FTO: variants seen among roughly 807,000 people sequenced by gnomAD.
FTO encodes the protein alpha-ketoglutarate-dependent dioxygenase FTO.
A neutral mutation model predicts 63.9 loss-of-function variants in FTO; 47 were observed. The ratio of observed to expected loss-of-function variants is 0.74; its 90% CI spans 0.58 to 0.94. The LOEUF is 0.94. Ranked by LOEUF, FTO falls within the 40% of genes least tolerant of loss-of-function variation. The probability of loss-of-function intolerance (pLI) is 0.00; values close to 1 mark genes in which losing one functional copy is unlikely to be tolerated. For missense variants in FTO, 562 were observed against 618.1 expected (o/e 0.91, Z 0.96); for synonymous variants, 207 against 224.4 (o/e 0.92, Z 0.69).
intron 8 of FTO, among the ~76,000 whole-genome samples, chr16:53,953,437 T>C (rs1392727060): frequency 1.3e-5 from 2 of 152,156 alleles, no homozygotes; most frequent in African/African-American, 4.8e-5. Context: ...TCCCGTGTAA[T>C]TTCTTCCCTA....
intron 7 of FTO, among the ~76,000 whole-genome samples, chr16:53,899,029 G>C (rs146850373): frequency 5.7e-4 from 86 of 152,118 alleles, no homozygotes; most frequent in African/African-American, 1.9e-3. Flanking sequence ...CTTATTACCT[G>C]CTTCACAGGA....
intron 8 of FTO, among the ~76,000 whole-genome samples, chr16:53,945,126 G>A (rs185134336): frequency 1.3e-5 from 2 of 152,284 alleles, no homozygotes; most frequent in East Asian, 1.9e-4. Flanking sequence ...GATCTCGATC[G>A]CCCCAAAAGT....
At chr16:53,820,542 A>G (rs969570080) in intron 2 of FTO, among the ~76,000 whole-genome samples, 2 of 151,476 alleles carry the variant, frequency 1.3e-5, no homozygotes, top group Non-Finnish European at 2.9e-5. Context: ...GGTTAGTTAC[A>G]TATGTATACA....
intron 1 of FTO, among the ~76,000 whole-genome samples, chr16:53,803,706 A>G (rs1357181556): frequency 6.6e-6 from 1 of 152,194 alleles, no homozygotes; most frequent in Non-Finnish European, 1.5e-5. Flanking sequence ...GCAGCAGTAT[A>G]GTCTCTTGCC....
intron 1 of FTO, among the ~76,000 whole-genome samples, chr16:53,785,262 G>T (rs1009353650): frequency 1.3e-5 from 2 of 152,110 alleles, no homozygotes; most frequent in Admixed American, 6.6e-5. Flanking sequence ...TGCCTTCTTG[G>T]TTCACTGCAT....
chr16:53,726,844 G>C (rs374365039), intron 1 of FTO, among the ~76,000 whole-genome samples: 14 of 152,298 alleles, frequency 9.2e-5, no homozygotes, highest in African/African-American at 3.1e-4. Context: ...GGTTGGAGAT[G>C]TTGGTGAATG....
intron 1 of FTO, among the ~76,000 whole-genome samples, chr16:53,808,804 T>C (rs2078438009): frequency 6.6e-6 from 1 of 152,246 alleles, no homozygotes. Flanking sequence ...TGTACCGTTA[T>C]CTAATTTTTA....
chr16:53,846,297 C>A (rs996681262), intron 4 of FTO, among the ~76,000 whole-genome samples: 5 of 152,156 alleles, frequency 3.3e-5, no homozygotes, highest in African/African-American at 1.2e-4. Context: ...CCTACCCCAT[C>A]ATTGAGTGTC....
chr16:53,906,715 G>A (rs139471529), intron 7 of FTO, among the ~76,000 whole-genome samples: 22 of 152,272 alleles, frequency 1.4e-4, no homozygotes, highest in African/African-American at 2.6e-4. Flanking sequence ...AGAGAATAAC[G>A]TGTAGAGTGG....
At chr16:54,013,825 A>G (rs2084379430) in intron 8 of FTO, among the ~76,000 whole-genome samples, 1 of 152,224 alleles carries the variant, frequency 6.6e-6, no homozygotes, top group South Asian at 2.1e-4. Flanking sequence ...CATAATTTTT[A>G]TATGCACTGG....
At chr16:53,926,774 A>G (rs1201102868) in intron 7 of FTO, among the ~76,000 whole-genome samples, 1 of 152,188 alleles carries the variant, frequency 6.6e-6, no homozygotes, top group Non-Finnish European at 1.5e-5. Flanking sequence ...ACAGAAGATG[A>G]TAGAAGATAA....
At chr16:54,059,993 T>C (rs1417532133) in intron 8 of FTO, among the ~76,000 whole-genome samples, 1 of 152,232 alleles carries the variant, frequency 6.6e-6, no homozygotes, top group Admixed American at 6.5e-5. Context: ...CATTTTGACA[T>C]TCTGTGTGCA....
intron 1 of FTO, 128 bp downstream of exon 1, chr16:53,704,357 C>T: frequency 1.1e-6 from 1 of 898,340 alleles, no homozygotes; most frequent in Non-Finnish European, 1.8e-6. Flanking sequence ...GCCTTGTCAG[C>T]AAGGGACCTG....
At chr16:53,803,608 T>A (rs2078283078) in intron 1 of FTO, among the ~76,000 whole-genome samples, 1 of 152,192 alleles carries the variant, frequency 6.6e-6, no homozygotes, top group Admixed American at 6.5e-5. Context: ...TTAAGAGAGA[T>A]GATTTCTCTT....
chr16:53,736,230 A>G (rs576080974), intron 1 of FTO, among the ~76,000 whole-genome samples: 72 of 152,262 alleles, frequency 4.7e-4, no homozygotes, highest in South Asian at 2.1e-3. Flanking sequence ...GTACCGAGGT[A>G]CGTCATCTGT....
rs1033543140 is a variant in FTO at position 54,112,891 on chromosome 16, G to C, written c.*976G>C. The C allele has an allele frequency of 1.3e-5, 2 of 152,156 alleles. No homozygotes were observed. Among genetic ancestry groups the C allele is most frequent in the Non-Finnish European group, 1.5e-5 (1 of 68,044 alleles). 9.4% of individuals were successfully genotyped at this position (152,156 alleles called of 1,614,324 possible). A position where few individuals can be genotyped will look rare whatever the true frequency, so the allele number is the denominator to read the frequency against. On this transcript the variant is annotated 3_prime_UTR_variant, in exon 9 of 9. Coordinates refer to ENST00000471389, the MANE Select transcript of FTO (RefSeq NM_001080432.3). ...TGGAACTGAGGTTTGAAGAACCTCAGTGGCCCATCCTGATGACATTGGAGA... is the reference window on the plus strand; with the variant it reads ...TGGAACTGAGGTTTGAAGAACCTCACTGGCCCATCCTGATGACATTGGAGA...
At chr16:53,908,319 A>T (rs187872443) in intron 7 of FTO, among the ~76,000 whole-genome samples, 26 of 152,350 alleles carry the variant, frequency 1.7e-4, no homozygotes, top group Non-Finnish European at 2.8e-4. Flanking sequence ...TTAACAAATG[A>T]TGAGCAGGTG....
intron 1 of FTO, among the ~76,000 whole-genome samples, chr16:53,732,060 T>A (rs1164099588): frequency 1.2e-3 from 167 of 140,788 alleles, no homozygotes; most frequent in African/African-American, 1.6e-3. Context: ...TTTTTTTTTT[T>A]TTTTTTGAGA....
At chr16:53,903,687 T>C (rs1279176660) in intron 7 of FTO, among the ~76,000 whole-genome samples, 1 of 152,264 alleles carries the variant, frequency 6.6e-6, no homozygotes, top group East Asian at 1.9e-4. Flanking sequence ...TATGGTTCCA[T>C]AACTTATGTA....
Sources: allele counts gnomAD v4.1 joint callset (sites outside exome capture counted in the v4.1 genomes callset), GRCh38; gene constraint gnomAD v4.1.1; transcripts MANE v1.5; gene names NCBI Gene and HGNC (gene_info 2026-07-23, HGNC 2026-07-21).